Variants in GRIP1 observed in about 807,000 individuals in gnomAD.
GRIP1 encodes the protein glutamate receptor-interacting protein 1.
GRIP1 carries 45 observed loss-of-function variants against 129.9 expected under a neutral mutation model. The observed-to-expected ratio is 0.35, with a 90% CI of 0.27 to 0.44. GRIP1 has a LOEUF of 0.44. Among genes scored for constraint, GRIP1 ranks in the 20% least tolerant of loss-of-function variants. GRIP1 has a pLI of 1.00. For missense variants in GRIP1, 1,196 were observed against 1,396.8 expected (o/e 0.86, Z 2.29); for synonymous variants, 530 against 520.8 (o/e 1.02, Z -0.24).
At chr12:66,561,017 G>C (rs1027488802) in intron 2 of GRIP1, among the ~76,000 whole-genome samples, 1 of 152,054 alleles carries the variant, frequency 6.6e-6, no homozygotes, top group African/African-American at 2.4e-5. Context: ...AAAAGAATGA[G>C]ATCCTGTCAT....
At chr12:66,349,315 T>C in intron 24 of GRIP1, 69 bp from the exon 25 acceptor site, 1 of 1,267,648 alleles carries the variant, frequency 7.9e-7, no homozygotes, top group South Asian at 1.2e-5. Context: ...GGAGTAACAT[T>C]TCAGGTGCAA....
At chr12:66,664,492 C>G (rs966399951) in intron 1 of GRIP1, among the ~76,000 whole-genome samples, 1 of 152,122 alleles carries the variant, frequency 6.6e-6, no homozygotes, top group African/African-American at 2.4e-5. Context: ...TTTATAAACA[C>G]AGTAAGAGCT....
At chr12:66,806,945 G>T (rs551899148), upstream of GRIP1, among the ~76,000 whole-genome samples, 14 of 152,118 alleles carry the variant, frequency 9.2e-5, no homozygotes, top group South Asian at 1.2e-3. Context: ...TACAGCAGAA[G>T]GTGTAAAAGC....
intron 11 of GRIP1, 123 bp downstream of exon 11, chr12:66,455,269 ACAGAGCTGTTAGCTGCT>A: frequency 1.2e-6 from 1 of 806,114 alleles, no homozygotes; most frequent in Non-Finnish European, 2.2e-6. Context: ...GGTCTTTGGC[ACAGAGCTGTTAGCTGCT>A]CAGCATCTAC....
chr12:66,995,208 T>C (rs1592443109), intron 1 of GRIP1, among the ~76,000 whole-genome samples: 1 of 147,306 alleles, frequency 6.8e-6, no homozygotes, highest in African/African-American at 2.5e-5. Flanking sequence ...TCAAAATGGA[T>C]CATATCTACA....
intron 2 of GRIP1, among the ~76,000 whole-genome samples, chr12:66,580,826 A>G (rs899672769): frequency 6.6e-6 from 1 of 151,660 alleles, no homozygotes; most frequent in African/African-American, 2.4e-5. Context: ...TTAACACCCC[A>G]CTGTCAACAT....
intron 1 of GRIP1, among the ~76,000 whole-genome samples, chr12:66,990,128 T>C (rs572460998): frequency 1.7e-4 from 26 of 152,316 alleles, no homozygotes; most frequent in African/African-American, 6.3e-4. Flanking sequence ...TTCCAAAAAG[T>C]TAGAGATCTA....
chr12:66,739,728 T>A (rs150646775), intron 1 of GRIP1, among the ~76,000 whole-genome samples: 1,748 of 149,912 alleles, frequency 0.012, 36 homozygotes, highest in African/African-American at 0.04. Context: ...TGCACATGTA[T>A]CCCAGAACCT....
At chr12:67,043,987 C>T (rs2043216815) in intron 1 of GRIP1, among the ~76,000 whole-genome samples, 1 of 151,938 alleles carries the variant, frequency 6.6e-6, no homozygotes, top group Non-Finnish European at 1.5e-5. Context: ...ATATCTAGGG[C>T]CCATTCCACC....
At chr12:66,846,724 A>G (rs2039823629) in intron 1 of GRIP1, among the ~76,000 whole-genome samples, 1 of 152,212 alleles carries the variant, frequency 6.6e-6, no homozygotes, top group African/African-American at 2.4e-5. Context: ...ATAACATTGT[A>G]GTTTTTAAAA....
At chr12:66,400,273 G>A (rs1195561558) in intron 16 of GRIP1, among the ~76,000 whole-genome samples, 1 of 149,882 alleles carries the variant, frequency 6.7e-6, no homozygotes, top group African/African-American at 2.5e-5. Flanking sequence ...AAGCTTGAGA[G>A]CCGTCCCTTT....
intron 1 of GRIP1, among the ~76,000 whole-genome samples, chr12:66,724,247 C>A (rs1164042030): frequency 6.6e-6 from 1 of 152,282 alleles, no homozygotes; most frequent in Non-Finnish European, 1.5e-5. Flanking sequence ...TATCAGCATG[C>A]TTTTCAGCAA....
intron 1 of GRIP1, among the ~76,000 whole-genome samples, chr12:67,010,003 T>C (rs2042681350): frequency 2.0e-5 from 3 of 152,184 alleles, no homozygotes; most frequent in African/African-American, 7.2e-5. Flanking sequence ...AGGGCGTATT[T>C]CTAGGCAGCT....
intron 2 of GRIP1, among the ~76,000 whole-genome samples, chr12:66,578,819 TC>T: frequency 6.6e-6 from 1 of 152,296 alleles, no homozygotes; most frequent in African/African-American, 2.4e-5. Context: ...AGGCTCCACC[TC>T]TCGGGGCAGG....
intron 1 of GRIP1, among the ~76,000 whole-genome samples, chr12:66,626,150 C>A (rs1435664730): frequency 2.0e-5 from 3 of 151,950 alleles, no homozygotes; most frequent in South Asian, 4.2e-4. Context: ...CTTGGTGAAA[C>A]CCCCATCTCT....
intron 1 of GRIP1, among the ~76,000 whole-genome samples, chr12:66,831,114 A>G (rs2039509220): frequency 6.6e-6 from 1 of 152,056 alleles, no homozygotes; most frequent in Non-Finnish European, 1.5e-5. Flanking sequence ...TCGGCCTCCC[A>G]AAGTGCTGGT....
chr12:66,517,652 A>G (rs2138949345), intron 6 of GRIP1, among the ~76,000 whole-genome samples: 1 of 152,290 alleles, frequency 6.6e-6, no homozygotes, highest in African/African-American at 2.4e-5. Context: ...ATTATTACCT[A>G]CATTTCCAAT....
chr12:66,959,165 C>T (rs1382329107), intron 1 of GRIP1, among the ~76,000 whole-genome samples: 1 of 152,034 alleles, frequency 6.6e-6, no homozygotes, highest in Non-Finnish European at 1.5e-5. Context: ...TAACTCTTTG[C>T]CTGTTATATA....
At chr12:67,009,596 TTC>T (rs1565637028) in intron 1 of GRIP1, among the ~76,000 whole-genome samples, 1 of 152,288 alleles carries the variant, frequency 6.6e-6, no homozygotes, top group East Asian at 1.9e-4. Flanking sequence ...CCAAAATGGT[TTC>T]TGTTTGTGGA....
Sources: gnomAD v4.1 joint callset for allele counts (sites outside exome capture counted in the v4.1 genomes callset) on GRCh38, gnomAD v4.1.1 for gene constraint, MANE v1.5 for transcripts, NCBI Gene and HGNC (gene_info 2026-07-23, HGNC 2026-07-21) for gene names.